Variants in IL31RA observed in about 807,000 individuals in gnomAD.
The protein encoded by IL31RA is interleukin 31 receptor A.
In IL31RA, 66 loss-of-function variants were observed where a neutral mutation model predicts 83.7. The ratio of observed to expected loss-of-function variants is 0.79; its 90% CI spans 0.65 to 0.97. The LOEUF is 0.97. IL31RA is among the 50% of genes least tolerant of loss of function. The pLI is 0.00. For synonymous variants in IL31RA, 325 were observed against 329.0 expected (o/e 0.99, Z 0.13); for missense variants, 798 against 919.4 (o/e 0.87, Z 1.71).
At chr5:55,914,309 C>T (rs1351290801) in intron 13 of IL31RA, among the ~76,000 whole-genome samples, 1 of 152,190 alleles carries the variant, frequency 6.6e-6, no homozygotes. Context: ...ACATTATGCA[C>T]TTAAGTAATC....
the IL31RA span, among the ~76,000 whole-genome samples, chr5:55,842,485 T>C: frequency 6.6e-6 from 1 of 152,258 alleles, no homozygotes; most frequent in Admixed American, 6.5e-5. Context: ...TCCACACCTC[T>C]ACCAGGAATA....
rs920065051 is a variant in IL31RA at position 55,920,468 on chromosome 5, C to T, written c.*3348C>T. On this transcript the variant is annotated 3_prime_UTR_variant, in exon 15 of 15. Coordinates refer to ENST00000652347, the MANE Select transcript of IL31RA (RefSeq NM_139017.7). ...TGACAAGAAAAGTCCAAGAAATTCA[C>T]GTAGTGTTGACAAAGTGTAATTGGA... Among the ~76,000 whole-genome samples the T allele has an allele frequency of 6.6e-6, 1 of 152,232 alleles. No homozygotes were observed. The highest frequency in any genetic ancestry group is 2.1e-4 in the South Asian group (1 of 4,832).
At chr5:55,868,967 T>G in intron 3 of IL31RA, 59 bp downstream of exon 3, 1 of 942,768 alleles carries the variant, frequency 1.1e-6, no homozygotes, top group South Asian at 1.3e-5. Flanking sequence ...AGGCTTCTGA[T>G]TCATTCATGA....
At chr5:55,894,684 G>A (rs1429396272) in intron 6 of IL31RA, among the ~76,000 whole-genome samples, 2 of 152,110 alleles carry the variant, frequency 1.3e-5, no homozygotes, top group Admixed American at 6.5e-5. Flanking sequence ...TCATTATAAG[G>A]TTGTCTTTAG....
At chr5:55,846,941 T>C (rs906493569), upstream of IL31RA, among the ~76,000 whole-genome samples, 1 of 152,132 alleles carries the variant, frequency 6.6e-6, no homozygotes, top group Non-Finnish European at 1.5e-5. Flanking sequence ...TGGAATAAAT[T>C]TAGATTTATA....
chr5:55,871,802 A>G (rs1266708703), intron 3 of IL31RA, among the ~76,000 whole-genome samples: 1 of 152,050 alleles, frequency 6.6e-6, no homozygotes, highest in Non-Finnish European at 1.5e-5. Flanking sequence ...TTCCATATCA[A>G]TAAATACAGT....
intron 8 of IL31RA, among the ~76,000 whole-genome samples, chr5:55,900,396 T>A (rs1332553482): frequency 1.3e-5 from 2 of 152,234 alleles, no homozygotes; most frequent in African/African-American, 4.8e-5. Flanking sequence ...AAGTTCTGTG[T>A]GCAGCTTTGA....
intron 14 of IL31RA, among the ~76,000 whole-genome samples, chr5:55,916,092 T>A (rs1230997987): frequency 6.6e-6 from 1 of 152,216 alleles, no homozygotes; most frequent in Non-Finnish European, 1.5e-5. Context: ...AGAAATTGTT[T>A]GAATTGGCTG....
At chr5:55,902,253 C>T (rs1458239187) in intron 8 of IL31RA, 2 of 152,122 alleles carry the variant, frequency 1.3e-5, no homozygotes, top group Non-Finnish European at 2.9e-5. Flanking sequence ...ACCTAGCCCA[C>T]AAAACCTAAA....
chr5:55,887,754 AGGCACCT>A, intron 5 of IL31RA, among the ~76,000 whole-genome samples: 1 of 152,136 alleles, frequency 6.6e-6, no homozygotes, highest in East Asian at 1.9e-4. Flanking sequence ...GCGTGTTGGC[AGGCACCT>A]GTAGTCCCAG....
intron 4 of IL31RA, among the ~76,000 whole-genome samples, chr5:55,877,958 T>C (rs1746963668): frequency 6.6e-6 from 1 of 152,198 alleles, no homozygotes; most frequent in Non-Finnish European, 1.5e-5. Flanking sequence ...ACTCCCAAAA[T>C]GTGTTTATTG....
chr5:55,840,676 T>C, the IL31RA span, among the ~76,000 whole-genome samples: 1 of 152,224 alleles, frequency 6.6e-6, no homozygotes, highest in Admixed American at 6.5e-5. Flanking sequence ...GTTCTCTGTG[T>C]TTAGACTGCC....
At chr5:55,915,996 A>G (rs971845116) in intron 14 of IL31RA, among the ~76,000 whole-genome samples, 1 of 152,224 alleles carries the variant, frequency 6.6e-6, no homozygotes, top group African/African-American at 2.4e-5. Context: ...TCCATCCCTA[A>G]GAGTTCTAAT....
intron 4 of IL31RA, among the ~76,000 whole-genome samples, chr5:55,874,895 A>G (rs1164226594): frequency 6.6e-6 from 1 of 152,076 alleles, no homozygotes; most frequent in Non-Finnish European, 1.5e-5. Flanking sequence ...TAGAACTTTT[A>G]GTATAGTGTT....
At chr5:55,857,289 T>G (rs1745418769) in intron 1 of IL31RA, among the ~76,000 whole-genome samples, 2 of 152,052 alleles carry the variant, frequency 1.3e-5, no homozygotes. Context: ...TTTGTAGAGA[T>G]GGGGTATCAC....
chr5:55,845,518 A>C, the IL31RA span, among the ~76,000 whole-genome samples: 2 of 152,086 alleles, frequency 1.3e-5, no homozygotes, highest in African/African-American at 4.8e-5. Context: ...CGTCAAGGGC[A>C]GGACCAGATG....
the IL31RA span, among the ~76,000 whole-genome samples, chr5:55,844,441 A>G: frequency 7.9e-5 from 12 of 152,164 alleles, no homozygotes; most frequent in Admixed American, 2.0e-4. Context: ...AAACACTTCT[A>G]TTTTTCTTAT....
rs868521781 is a variant in IL31RA, at chr5:55,913,928, C to A, written c.1736+358C>A. 3.3e-5 allele frequency among the ~76,000 whole-genome samples: 5 copies of A among 152,340 alleles called. No homozygotes were observed. In the South Asian group the frequency reaches 6.2e-4, roughly 19 times the overall value. On this transcript the variant is annotated intron_variant, in intron 13 of 14. Coordinates refer to ENST00000652347, the MANE Select transcript of IL31RA (RefSeq NM_139017.7). ...CAGGGCCCCTGGCTGCAGCAAGAGG[C>A]CTTCTTGCGAGCTCTGTCTCAGGCA...
upstream of IL31RA, among the ~76,000 whole-genome samples, chr5:55,847,157 C>A (rs1744943598): frequency 6.8e-6 from 1 of 147,690 alleles, no homozygotes. Context: ...GCAGGAGAAT[C>A]ACTTGAACCC....
Sources: gnomAD v4.1 joint callset for allele counts (sites outside exome capture counted in the v4.1 genomes callset) on GRCh38, gnomAD v4.1.1 for gene constraint, MANE v1.5 for transcripts, NCBI Gene and HGNC (gene_info 2026-07-23, HGNC 2026-07-21) for gene names.